The following DACH1 variants were observed in gnomAD, a reference collection of about 807,000 sequenced individuals.
The protein encoded by DACH1 is dachshund homolog 1.
Under a neutral mutation model 54.2 loss-of-function variants are expected in DACH1, and 12 were observed. The ratio of observed to expected loss-of-function variants is 0.22; its 90% CI spans 0.14 to 0.36. DACH1 has a LOEUF of 0.36. DACH1 is among the 10% of genes least tolerant of loss of function. DACH1 has a pLI of 1.00. For missense variants in DACH1, 805 were observed against 929.8 expected (o/e 0.87, Z 1.75); for synonymous variants, 386 against 366.2 (o/e 1.05, Z -0.62).
At position 71,865,947 on chromosome 13, in the gene DACH1, G is replaced by A; in HGVS notation, c.823C>T (p.Leu275Phe). 6.2e-7 allele frequency: 1 copy of A among 1,613,532 alleles called. No homozygotes were observed. The highest frequency in any genetic ancestry group is 8.5e-7 in the Non-Finnish European group (1 of 1,179,750). ...CTTGCGTTGGTGCAGTCATTGTAGA[G>A]GGTCTCGAAGTCCTTCCTGGAGATG... ...KLISRKDFET[L>F]YNDCTNASSR... is the part of the protein sequence containing the mutation. Residue 275 changes from leucine (L) to phenylalanine (F), a missense_variant, in exon 1 of 11, where the codon CTC (leucine) becomes TTC (phenylalanine). This residue lies in a region of DACH1 where 472 missense variants were observed against 545.3 expected (regional missense o/e 0.87). Transcript: ENST00000613252.
intron 6 of DACH1, among the ~76,000 whole-genome samples, chr13:71,545,155 A>G (rs1883377994): frequency 1.3e-5 from 2 of 152,078 alleles, no homozygotes; most frequent in African/African-American, 4.8e-5. Flanking sequence ...TTACCGATGA[A>G]GAAACTGAAG....
At chr13:71,795,193 TTTTG>T (rs909070678) in intron 1 of DACH1, among the ~76,000 whole-genome samples, 5 of 152,142 alleles carry the variant, frequency 3.3e-5, no homozygotes, top group African/African-American at 4.8e-5. Context: ...AAATGTTTTT[TTTTG>T]TTTGTTTGTT....
chr13:71,754,844 G>A (rs1299551707), intron 1 of DACH1, among the ~76,000 whole-genome samples: 1 of 151,874 alleles, frequency 6.6e-6, no homozygotes, highest in Non-Finnish European at 1.5e-5. Flanking sequence ...AAAAAACAAA[G>A]AGGTAGAATA....
intron 3 of DACH1, among the ~76,000 whole-genome samples, chr13:71,585,365 G>A (rs1873166086): frequency 6.6e-6 from 1 of 152,152 alleles, no homozygotes; most frequent in Non-Finnish European, 1.5e-5. Flanking sequence ...TGCTGAGGAT[G>A]GCACCATAAA....
In DACH1 at chr13:71,846,221, A is replaced by T. The variant is rs138311254; in HGVS notation, c.848+19701T>A. On this transcript the variant is annotated intron_variant, in intron 1 of 10. Coordinates refer to ENST00000613252, the MANE Select transcript of DACH1 (RefSeq NM_080759.6). ...GGGGAAGGTTCACTCCGGCGCACGGAAACAGCGGCATGGTTCATGCCAAAT... is the reference window on the plus strand; with the variant it reads ...GGGGAAGGTTCACTCCGGCGCACGGTAACAGCGGCATGGTTCATGCCAAAT... 564 of 245,882 alleles carry T rather than the reference A, an allele frequency of 2.3e-3. 3 individuals carry two copies. The highest frequency in any genetic ancestry group is 0.012 in the African/African-American group (536 of 43,296). The allele number at this position is 245,882 out of a possible 1,614,324, so 15.2% of individuals were successfully genotyped here. A position where few individuals can be genotyped will look rare whatever the true frequency, so the allele number is the denominator to read the frequency against.
intron 3 of DACH1, among the ~76,000 whole-genome samples, chr13:71,606,710 A>G (rs1484585960): frequency 2.6e-5 from 4 of 152,040 alleles, no homozygotes; most frequent in Admixed American, 2.0e-4. Context: ...AAGTTTTAAT[A>G]TGAACATAGT....
At chr13:71,725,430 G>A (rs117054386) in intron 1 of DACH1, among the ~76,000 whole-genome samples, 2,062 of 152,122 alleles carry the variant, frequency 0.014, 31 homozygotes, top group African/African-American at 0.035. Flanking sequence ...GTGCATTGTG[G>A]TATCTAACAT....
At chr13:71,673,853 T>A (rs147164297) in intron 2 of DACH1, among the ~76,000 whole-genome samples, 49 of 152,332 alleles carry the variant, frequency 3.2e-4, no homozygotes, top group African/African-American at 1.1e-3. Context: ...ATTCCATCAA[T>A]TGATGATTAT....
chr13:71,677,578 AT>A (rs1334954868), intron 2 of DACH1, among the ~76,000 whole-genome samples: 1 of 152,044 alleles, frequency 6.6e-6, no homozygotes, highest in African/African-American at 2.4e-5. Context: ...GGGAAAATAC[AT>A]TTTTTTTAAA....
chr13:71,548,043 G>A (rs904724614), intron 6 of DACH1, among the ~76,000 whole-genome samples: 9 of 152,152 alleles, frequency 5.9e-5, no homozygotes, highest in Non-Finnish European at 1.3e-4. Context: ...CACACGTGAG[G>A]TTATAAAAAA....
At chr13:71,672,742 A>C (rs987060564) in intron 2 of DACH1, among the ~76,000 whole-genome samples, 2 of 152,210 alleles carry the variant, frequency 1.3e-5, no homozygotes, top group South Asian at 2.1e-4. Flanking sequence ...ACTGGTTAAA[A>C]AATTATAGCG....
intron 1 of DACH1, among the ~76,000 whole-genome samples, chr13:71,707,859 A>C (rs1348148320): frequency 6.6e-6 from 1 of 152,140 alleles, no homozygotes; most frequent in African/African-American, 2.4e-5. Context: ...GGGAGGATGA[A>C]GAGATGGGTA....
chr13:71,653,142 T>C (rs2138628242), intron 2 of DACH1, among the ~76,000 whole-genome samples: 1 of 152,302 alleles, frequency 6.6e-6, no homozygotes, highest in South Asian at 2.1e-4. Flanking sequence ...CAACTTAATT[T>C]CTATTATTTG....
At chr13:71,524,742 C>T (rs879679257) in intron 6 of DACH1, among the ~76,000 whole-genome samples, 7 of 151,886 alleles carry the variant, frequency 4.6e-5, no homozygotes, top group African/African-American at 1.5e-4. Flanking sequence ...AGTCCATCTC[C>T]GGAGGATTGC....
chr13:71,820,032 C>T (rs1042399857), intron 1 of DACH1, among the ~76,000 whole-genome samples: 3 of 129,922 alleles, frequency 2.3e-5, no homozygotes, highest in African/African-American at 5.7e-5. Context: ...TCTGAGAGGC[C>T]GAAGTGGGAG....
chr13:71,594,648 A>G (rs1237231806), intron 3 of DACH1, among the ~76,000 whole-genome samples: 2 of 152,022 alleles, frequency 1.3e-5, no homozygotes, highest in Non-Finnish European at 2.9e-5. Flanking sequence ...TTTCATCATC[A>G]CTTTTTCAGT....
At chr13:71,829,641 T>C (rs1247575310) in intron 1 of DACH1, among the ~76,000 whole-genome samples, 1 of 151,934 alleles carries the variant, frequency 6.6e-6, no homozygotes, top group Non-Finnish European at 1.5e-5. Context: ...AGTTCTTTCA[T>C]CAAAGCCTAA....
intron 2 of DACH1, among the ~76,000 whole-genome samples, chr13:71,639,522 A>G (rs1877740678): frequency 6.6e-6 from 1 of 152,134 alleles, no homozygotes; most frequent in Admixed American, 6.6e-5. Flanking sequence ...ACAACAAAAA[A>G]ACCCCACTAA....
At chr13:71,675,130 A>G (rs916865361) in intron 2 of DACH1, 378 of 1,582,764 alleles carry the variant, frequency 2.4e-4, no homozygotes, top group Non-Finnish European at 3.1e-4. Flanking sequence ...GTAACTGGCT[A>G]CAAAAGCCGC....
Sources: gnomAD v4.1 joint callset for allele counts (sites outside exome capture counted in the v4.1 genomes callset) on GRCh38, gnomAD v4.1.1 for gene constraint, gnomAD v4.1.1 regional missense constraint, MANE v1.5 for transcripts, NCBI Gene and HGNC (gene_info 2026-07-23, HGNC 2026-07-21) for gene names.